Variants in DIAPH3 observed in about 807,000 individuals in gnomAD.
DIAPH3 encodes the protein diaphanous related formin 3, also known as protein diaphanous homolog 3.
In DIAPH3, 117 loss-of-function variants were observed where a neutral mutation model predicts 144.3. The ratio of observed to expected loss-of-function variants is 0.81; its 90% CI spans 0.70 to 0.95. The LOEUF (loss-of-function observed/expected upper bound fraction) is 0.95, where lower values mean the gene tolerates loss of function less well. Ranked by LOEUF, DIAPH3 falls within the 40% of genes least tolerant of loss-of-function variation. The probability of loss-of-function intolerance (pLI) is 0.00; values close to 1 mark genes in which losing one functional copy is unlikely to be tolerated. For synonymous variants in DIAPH3, 519 were observed against 488.9 expected, an observed-to-expected ratio of 1.06 and a Z score of -0.81; for missense variants, 1,421 against 1,412.7, an observed-to-expected ratio of 1.01 and a Z score of -0.09.
chr13:59,919,631 C>T (rs2047414049), intron 18 of DIAPH3, among the ~76,000 whole-genome samples: 1 of 152,046 alleles, frequency 6.6e-6, no homozygotes, highest in Non-Finnish European at 1.5e-5. Flanking sequence ...TCACAATCAA[C>T]AGCCCTGTCT....
Position 59,692,137 on chromosome 13 carries a change from CTT to C in DIAPH3, c.3320-25293_3320-25292del, listed in dbSNP as rs56205887. 8.7e-3 allele frequency among the ~76,000 whole-genome samples: 507 copies of C among 58,182 alleles called. 4 individuals carry two copies. Among genetic ancestry groups the C allele is most frequent in the Middle Eastern group, 0.028 (2 of 72 alleles). The allele number at this position is 58,182 out of a possible 152,430, so 38.2% of individuals were successfully genotyped here. A position where few individuals can be genotyped will look rare whatever the true frequency, so the allele number is the denominator to read the frequency against. Reference sequence around the variant, plus strand: ...AGATTACTCATAGCTTTGAGAAATTCTTTTTTTTTTTTTTTTTTTTTTTTTTT... The same window carrying C: ...AGATTACTCATAGCTTTGAGAAATTCTTTTTTTTTTTTTTTTTTTTTTTTT... On this transcript the variant is annotated intron_variant, in intron 27 of 27. Coordinates refer to ENST00000400324, the MANE Select transcript of DIAPH3 (RefSeq NM_001042517.2).
chr13:59,890,989 A>G (rs566043983), intron 20 of DIAPH3, among the ~76,000 whole-genome samples: 43 of 152,148 alleles, frequency 2.8e-4, no homozygotes, highest in African/African-American at 1.0e-3. Context: ...ATATATCTAC[A>G]ATAATTTCAC....
At chr13:59,763,320 A>G (rs2037703293) in intron 27 of DIAPH3, among the ~76,000 whole-genome samples, 1 of 151,998 alleles carries the variant, frequency 6.6e-6, no homozygotes, top group Non-Finnish European at 1.5e-5. Flanking sequence ...ATATATGTAT[A>G]TACATATATG....
intron 20 of DIAPH3, among the ~76,000 whole-genome samples, chr13:59,906,150 A>T (rs891927281): frequency 1.3e-5 from 2 of 152,224 alleles, no homozygotes; most frequent in East Asian, 1.9e-4. Flanking sequence ...ATTATTTTTT[A>T]AAAAACCTGA....
chr13:59,694,514 G>A (rs1216752493), intron 27 of DIAPH3, among the ~76,000 whole-genome samples: 1 of 152,094 alleles, frequency 6.6e-6, no homozygotes, highest in Non-Finnish European at 1.5e-5. Context: ...AACAACTTAA[G>A]AAGAAAAGTC....
At chr13:59,742,980 G>A (rs576848692) in intron 27 of DIAPH3, among the ~76,000 whole-genome samples, 7 of 152,294 alleles carry the variant, frequency 4.6e-5, no homozygotes, top group South Asian at 2.1e-4. Flanking sequence ...GAATTGTACA[G>A]AGTTGAAAAG....
chr13:59,995,398 G>T (rs1405802066), intron 9 of DIAPH3, among the ~76,000 whole-genome samples: 1 of 151,838 alleles, frequency 6.6e-6, no homozygotes, highest in South Asian at 2.1e-4. Context: ...CTCCCTCTGC[G>T]CTAATAAGGG....
chr13:60,084,881 A>G lies in DIAPH3; in HGVS notation c.495+8747T>C, dbSNP rs898501151. Among the ~76,000 whole-genome samples, 9 of 152,300 alleles carry G rather than the reference A, an allele frequency of 5.9e-5. No homozygotes were observed. The East Asian group carries it at 1.5e-3, about 26-fold the overall frequency. ...ACACTGAGCCGGTTAGGAAATGGTA[A>G]TAAGTCAGGAAACCATTAAATTGGG... On this transcript the variant is annotated intron_variant, in intron 4 of 27. Coordinates refer to ENST00000400324, the MANE Select transcript of DIAPH3 (RefSeq NM_001042517.2).
chr13:60,070,558 G>A (rs552271525), intron 4 of DIAPH3, among the ~76,000 whole-genome samples: 2 of 152,228 alleles, frequency 1.3e-5, no homozygotes, highest in South Asian at 2.1e-4. Flanking sequence ...AGAGGCCAAG[G>A]GAAGAAGGGA....
chr13:59,835,205 T>C (rs1170676282), intron 23 of DIAPH3, among the ~76,000 whole-genome samples: 1 of 151,720 alleles, frequency 6.6e-6, no homozygotes, highest in Admixed American at 6.6e-5. Flanking sequence ...CAGCAAGCCA[T>C]TCAGTAAGTA....
At position 60,156,918 on chromosome 13, in the gene DIAPH3, C is replaced by CACATATATATATATATATAT. The variant is rs1324633645; in HGVS notation, c.180+6668_180+6669insATATATATATATATATATGT. 7.2e-4 allele frequency among the ~76,000 whole-genome samples: 40 copies of CACATATATATATATATATAT among 55,260 alleles called. 5 individuals carry two copies. The highest frequency in any genetic ancestry group is 1.1e-3 in the South Asian group (2 of 1,876). 36.3% of individuals were successfully genotyped at this position (55,260 alleles called of 152,430 possible). ...TAGTGGCCCAGAGACCCAGATCCTT[C>CACATATATATATATATATAT]ATATATATATATATATATATATTTT... On this transcript the variant is annotated intron_variant, in intron 1 of 27. Transcript: ENST00000400324.
chr13:59,699,549 T>G (rs2033991577), intron 27 of DIAPH3, among the ~76,000 whole-genome samples: 1 of 152,186 alleles, frequency 6.6e-6, no homozygotes, highest in African/African-American at 2.4e-5. Flanking sequence ...AGAAACACTT[T>G]GGGGCACAGA....
chr13:59,934,547 C>T (rs2048172390), intron 17 of DIAPH3, among the ~76,000 whole-genome samples: 1 of 152,116 alleles, frequency 6.6e-6, no homozygotes, highest in Non-Finnish European at 1.5e-5. Flanking sequence ...CTATGAATTA[C>T]TTGCATAATG....
intron 24 of DIAPH3, among the ~76,000 whole-genome samples, chr13:59,814,370 A>G (rs963375344): frequency 3.3e-5 from 5 of 152,348 alleles, no homozygotes; most frequent in African/African-American, 1.2e-4. Context: ...ATTTTCATTT[A>G]AAAGCCTACT....
chr13:59,793,481 G>C (rs2039428178), intron 25 of DIAPH3, among the ~76,000 whole-genome samples: 1 of 152,104 alleles, frequency 6.6e-6, no homozygotes, highest in African/African-American at 2.4e-5. Flanking sequence ...CAATGGGATG[G>C]CTGTTAGTTC....
chr13:60,051,960 G>A (rs1468996087), intron 4 of DIAPH3, among the ~76,000 whole-genome samples: 4 of 152,138 alleles, frequency 2.6e-5, no homozygotes, highest in Non-Finnish European at 5.9e-5. Context: ...CACTGTTAAG[G>A]GCTTGCTTAT....
chr13:59,950,916 A>G (rs79992531), intron 17 of DIAPH3, among the ~76,000 whole-genome samples: 5,576 of 152,226 alleles, frequency 0.037, 135 homozygotes, highest in East Asian at 0.075. Flanking sequence ...TTTAAATTCT[A>G]CGATGAAATT....
chr13:60,057,687 T>C (rs1371324907), intron 4 of DIAPH3, among the ~76,000 whole-genome samples: 2 of 151,780 alleles, frequency 1.3e-5, no homozygotes, highest in East Asian at 3.9e-4. Context: ...GGTATTGGTA[T>C]AAAAGGAGAT....
intron 17 of DIAPH3, among the ~76,000 whole-genome samples, chr13:59,951,682 AACTTTTATAAAAGCATC>A (rs1364402153): frequency 6.6e-6 from 1 of 152,152 alleles, no homozygotes; most frequent in Non-Finnish European, 1.5e-5. Flanking sequence ...TGTCCCATCA[AACTTTTATAAAAGCATC>A]ACTTTCAGTA....
Sources: allele counts gnomAD v4.1 joint callset (sites outside exome capture counted in the v4.1 genomes callset), GRCh38; gene constraint gnomAD v4.1.1; transcripts MANE v1.5; gene names NCBI Gene and HGNC (gene_info 2026-07-23, HGNC 2026-07-21).